The following MTRR variants were observed in gnomAD, a reference collection of about 807,000 sequenced individuals.
MTRR encodes 5-methyltetrahydrofolate-homocysteine methyltransferase reductase, also known as methionine synthase reductase.
Under a neutral mutation model 79.2 loss-of-function variants are expected in MTRR, and 63 were observed. The observed-to-expected ratio is 0.80, with a 90% CI of 0.65 to 0.98. The LOEUF (loss-of-function observed/expected upper bound fraction) is 0.98, where lower values mean the gene tolerates loss of function less well. Among genes scored for constraint, MTRR ranks in the 50% least tolerant of loss-of-function variants. The pLI is 0.00. For synonymous variants in MTRR, 355 were observed against 313.3 expected (o/e 1.13, Z -1.41); for missense variants, 895 against 839.6 (o/e 1.07, Z -0.82).
At chr5:7,876,447 C>G (rs1177682322) in intron 4 of MTRR, among the ~76,000 whole-genome samples, 1 of 152,226 alleles carries the variant, frequency 6.6e-6, no homozygotes, top group Non-Finnish European at 1.5e-5. Context: ...CCATATTTCA[C>G]TTCTCTTCAA....
At chr5:7,872,322 T>C in intron 2 of MTRR, 2 of 400,178 alleles carry the variant, frequency 5.0e-6, no homozygotes, top group East Asian at 1.5e-4. Flanking sequence ...CAAGGAAGTG[T>C]TCTATTTGAA....
At chr5:7,855,231 G>C (rs1290358757) in intron 1 of MTRR, among the ~76,000 whole-genome samples, 3 of 152,074 alleles carry the variant, frequency 2.0e-5, no homozygotes, top group African/African-American at 4.8e-5. Flanking sequence ...TTTTGAGATA[G>C]TACAGGAAAT....
chr5:7,867,172 C>G (rs377319919), upstream of MTRR: 2 of 1,613,986 alleles, frequency 1.2e-6, no homozygotes, highest in African/African-American at 2.7e-5. Context: ...GATCAAGAAC[C>G]ACCAGGGCAG....
At chr5:7,861,755 T>C (rs1328415774) in intron 1 of MTRR, 2 of 1,492,708 alleles carry the variant, frequency 1.3e-6, no homozygotes, top group East Asian at 2.6e-5. Context: ...CACCTTGCAT[T>C]GATCAATTGG....
At chr5:7,895,498 T>C (rs1738351419) in intron 11 of MTRR, among the ~76,000 whole-genome samples, 1 of 152,200 alleles carries the variant, frequency 6.6e-6, no homozygotes, top group Admixed American at 6.5e-5. Context: ...AAAGACACCA[T>C]GCCTATCATT....
At chr5:7,894,378 C>T (rs901530657) in intron 11 of MTRR, among the ~76,000 whole-genome samples, 1 of 152,248 alleles carries the variant, frequency 6.6e-6, no homozygotes, top group Non-Finnish European at 1.5e-5. Context: ...ACATCTGCCA[C>T]ATCTAAGCAG....
chr5:7,851,032 T>C (rs1463604765), upstream of MTRR: 1 of 1,243,196 alleles, frequency 8.0e-7, no homozygotes. Context: ...GCCGCCACCG[T>C]CCAGCGCCCC....
At chr5:7,861,833 A>T (rs1746570777) in intron 1 of MTRR, 2 of 1,281,162 alleles carry the variant, frequency 1.6e-6, no homozygotes, top group Admixed American at 3.3e-5. Flanking sequence ...TGGCTTTATG[A>T]TCAATCAAGT....
At chr5:7,868,967 G>C (rs750255332), upstream of MTRR, 3 of 788,020 alleles carry the variant, frequency 3.8e-6, no homozygotes, top group Non-Finnish European at 4.4e-6. Flanking sequence ...GAGACCCCGC[G>C]TTGACACCTA....
chr5:7,859,294 A>G, intron 1 of MTRR: 1 of 480,094 alleles, frequency 2.1e-6, no homozygotes. Context: ...TATACATAGT[A>G]TAAGGAAAAC....
At chr5:7,862,710 G>T (rs1012945568) in intron 2 of MTRR, 35 of 901,338 alleles carry the variant, frequency 3.9e-5, no homozygotes, top group Non-Finnish European at 1.5e-5. Flanking sequence ...TCAGGGAAGG[G>T]ACCATTCCAT....
At chr5:7,881,322 G>A (rs1301707079) in intron 5 of MTRR, among the ~76,000 whole-genome samples, 1 of 152,022 alleles carries the variant, frequency 6.6e-6, no homozygotes, top group Non-Finnish European at 1.5e-5. Context: ...TAGTGGCCGA[G>A]TGTGTCGCAA....
chr5:7,861,151 G>A (rs751447026), intron 1 of MTRR: 18 of 1,583,652 alleles, frequency 1.1e-5, no homozygotes, highest in Non-Finnish European at 1.5e-5. Context: ...AACCGTACCT[G>A]AACAACTTGA....
At position 7,883,244 on chromosome 5, in the gene MTRR, A is replaced by T; in HGVS notation, c.870A>T (p.Ile290=). The T allele has an allele frequency of 6.2e-7, 1 of 1,614,252 alleles. No individual in the cohort carries two copies. Among genetic ancestry groups the T allele is most frequent in the Middle Eastern group, 1.6e-4 (1 of 6,062 alleles). ...KAVQLTTNDA[I]KTTLLVELDI... ...TTCAACTTACTACGAATGATGCCATAAAAACCACTCTGCTGGTAGAATTGG... is the reference window on the plus strand; with the variant it reads ...TTCAACTTACTACGAATGATGCCATTAAAACCACTCTGCTGGTAGAATTGG... The change falls in exon 6 of 15, where the codon ATA becomes ATT. Residue 290 remains isoleucine, a synonymous_variant. Transcript: ENST00000440940.
At chr5:7,880,421 G>A (rs920618623) in intron 5 of MTRR, among the ~76,000 whole-genome samples, 2 of 152,208 alleles carry the variant, frequency 1.3e-5, no homozygotes, top group Non-Finnish European at 2.9e-5. Context: ...CTGAGGCCAT[G>A]CTAGTCTACT....
rs1172113316 is a variant in MTRR at position 7,877,261 on chromosome 5, G to A, written c.402-683G>A. On this transcript the variant is annotated intron_variant, in intron 4 of 14. Transcript: ENST00000440940. The stretch of plus-strand genomic sequence containing the variant: ...GGAATGGCTGTTGTTATGATAATTT[G>A]TTAGTAGTAGGTGGACTGCCACATT... Among the ~76,000 whole-genome samples the A allele has an allele frequency of 3.3e-5, 5 of 152,250 alleles. No homozygotes were observed. The East Asian group carries it at 9.6e-4, about 29-fold the overall frequency.
At chr5:7,870,671 G>A (rs2126642444) in intron 1 of MTRR, 99 bp from the exon 2 acceptor site, 1 of 1,259,554 alleles carries the variant, frequency 7.9e-7, no homozygotes, top group East Asian at 2.4e-5. Flanking sequence ...ATTATGTGTG[G>A]GTATTGTTGC....
At chr5:7,859,859 T>C (rs1746404307) in intron 1 of MTRR, among the ~76,000 whole-genome samples, 2 of 152,184 alleles carry the variant, frequency 1.3e-5, no homozygotes, top group Admixed American at 6.5e-5. Flanking sequence ...AAACAAGCTG[T>C]AGGTTGGTGA....
Position 7,883,285 on chromosome 5 carries a change from G to A in MTRR, c.903+8G>A. ...GTAGAATTGGACATTTCAGTAAGTTGCAAAATTTATTTCTCAGCACAGTAA... is the reference window on the plus strand; with the variant it reads ...GTAGAATTGGACATTTCAGTAAGTTACAAAATTTATTTCTCAGCACAGTAA... On this transcript the variant is annotated splice_region_variant and intron_variant, in intron 6 of 14. Transcript: ENST00000440940. The A allele has an allele frequency of 6.2e-7, 1 of 1,614,122 alleles. No individual in the cohort carries two copies. Among genetic ancestry groups the A allele is most frequent in the Non-Finnish European group, 8.5e-7 (1 of 1,180,006 alleles).
Sources: gnomAD v4.1 joint callset for allele counts (sites outside exome capture counted in the v4.1 genomes callset) on GRCh38, gnomAD v4.1.1 for gene constraint, MANE v1.5 for transcripts, NCBI Gene and HGNC (gene_info 2026-07-23, HGNC 2026-07-21) for gene names.